The following OSBPL8 variants were observed in gnomAD, a reference collection of about 807,000 sequenced individuals.
OSBPL8 encodes the protein oxysterol binding protein like 8.
A neutral mutation model predicts 125.5 loss-of-function variants in OSBPL8; 59 were observed. That is an observed-to-expected ratio of 0.47 (90% CI 0.38 to 0.58). The LOEUF is 0.58. Among genes scored for constraint, OSBPL8 ranks in the 20% least tolerant of loss-of-function variants. OSBPL8 has a pLI of 0.00. For missense variants in OSBPL8, 758 were observed against 1,047.8 expected (o/e 0.72, Z 3.82); for synonymous variants, 330 against 338.9 (o/e 0.97, Z 0.29).
At chr12:76,485,068 C>G in intron 2 of OSBPL8, among the ~76,000 whole-genome samples, 1 of 151,816 alleles carries the variant, frequency 6.6e-6, no homozygotes, top group East Asian at 2.0e-4. Context: ...TTACAGGTGC[C>G]TGCCACCACG....
chr12:76,475,184 T>G (rs980368656), intron 2 of OSBPL8, among the ~76,000 whole-genome samples: 2 of 152,172 alleles, frequency 1.3e-5, no homozygotes, highest in Non-Finnish European at 2.9e-5. Flanking sequence ...TAATTAAGAG[T>G]TAAATGTGGA....
intron 1 of OSBPL8, among the ~76,000 whole-genome samples, chr12:76,558,919 GAAC>G (rs1214080946): frequency 4.6e-5 from 7 of 152,188 alleles, no homozygotes; most frequent in African/African-American, 1.4e-4. Flanking sequence ...AGGCTTAGAG[GAAC>G]AACACCGTGT....
chr12:76,506,377 A>C (rs1293924467), intron 1 of OSBPL8, among the ~76,000 whole-genome samples: 1 of 152,234 alleles, frequency 6.6e-6, no homozygotes. Flanking sequence ...CAAAAAATGT[A>C]AACTAGGAGT....
At chr12:76,391,474 C>A (rs1024637017) in intron 10 of OSBPL8, among the ~76,000 whole-genome samples, 34 of 151,660 alleles carry the variant, frequency 2.2e-4, no homozygotes, top group Admixed American at 2.2e-3. Flanking sequence ...AGCTCCAGAT[C>A]GTAGGTCTGC....
In OSBPL8 at chr12:76,487,621, A is replaced by G; in HGVS notation, c.-67-3T>C. ...GCCATTCTGTAAATCTGCAAATCCT[A>G]AAATAAGAAAATGATATTTATTAGG... On this transcript the variant is annotated splice_region_variant and splice_polypyrimidine_tract_variant and intron_variant, in intron 1 of 23. Coordinates refer to ENST00000261183, the MANE Select transcript of OSBPL8 (RefSeq NM_020841.5). 7.8e-7 allele frequency: 1 copy of G among 1,278,024 alleles called. No homozygotes were observed. Among genetic ancestry groups the G allele is most frequent in the Non-Finnish European group, 1.1e-6 (1 of 924,530 alleles). The allele number at this position is 1,278,024 out of a possible 1,614,324, so 79.2% of individuals were successfully genotyped here.
rs1869043485 is a variant in OSBPL8 at position 76,418,599 on chromosome 12, A to C, written c.218-7965T>G. ...TAATCTCAGCGCTTCGGGAGGCTGA[A>C]GTGGGCAGATCACTTGAAGTCAGGA... On this transcript the variant is annotated intron_variant, in intron 4 of 23. Coordinates refer to ENST00000261183, the MANE Select transcript of OSBPL8 (RefSeq NM_020841.5). Among the ~76,000 whole-genome samples the C allele has an allele frequency of 2.0e-5, 3 of 151,846 alleles. No homozygotes were observed. The South Asian group carries it at 6.2e-4, about 32-fold the overall frequency.
At chr12:76,415,112 TCA>T (rs1216012198) in intron 4 of OSBPL8, among the ~76,000 whole-genome samples, 1 of 152,212 alleles carries the variant, frequency 6.6e-6, no homozygotes, top group Non-Finnish European at 1.5e-5. Flanking sequence ...AGTGTTCTTC[TCA>T]CTCTCCACTT....
At chr12:76,366,450 T>TG (rs1444630545) in intron 21 of OSBPL8, 1 of 329,014 alleles carries the variant, frequency 3.0e-6, no homozygotes, top group Admixed American at 4.1e-5. Flanking sequence ...TTAGCCTAGC[T>TG]GATGGTTTAT....
chr12:76,443,647 T>A (rs1352862570), intron 4 of OSBPL8, among the ~76,000 whole-genome samples: 1 of 152,112 alleles, frequency 6.6e-6, no homozygotes, highest in Non-Finnish European at 1.5e-5. Context: ...TAGCTGGGAC[T>A]ATGGGCATGC....
intron 1 of OSBPL8, among the ~76,000 whole-genome samples, chr12:76,547,300 C>A (rs1295413157): frequency 6.6e-6 from 1 of 152,078 alleles, no homozygotes; most frequent in African/African-American, 2.4e-5. Flanking sequence ...AATTTATTTA[C>A]CCAGGTTAAT....
intron 4 of OSBPL8, among the ~76,000 whole-genome samples, chr12:76,426,425 A>G (rs1297636651): frequency 2.0e-5 from 3 of 152,172 alleles, no homozygotes; most frequent in African/African-American, 2.4e-5. Flanking sequence ...CACTCTCAAC[A>G]GTGTTTAAAG....
At chr12:76,448,743 G>A (rs575463303) in intron 4 of OSBPL8, among the ~76,000 whole-genome samples, 8 of 152,216 alleles carry the variant, frequency 5.3e-5, no homozygotes, top group East Asian at 1.9e-4. Flanking sequence ...GGATGGGTGC[G>A]GTGGCTCACG....
chr12:76,535,720 C>T (rs1187254601), intron 1 of OSBPL8, among the ~76,000 whole-genome samples: 1 of 152,054 alleles, frequency 6.6e-6, no homozygotes, highest in Non-Finnish European at 1.5e-5. Context: ...GGAATACTAT[C>T]CCAAAATAAA....
intron 3 of OSBPL8, among the ~76,000 whole-genome samples, chr12:76,456,450 A>T (rs1874056080): frequency 6.6e-6 from 1 of 152,100 alleles, no homozygotes; most frequent in Non-Finnish European, 1.5e-5. Context: ...CAGGAGTTTG[A>T]GACTAGCCTG....
intron 1 of OSBPL8, among the ~76,000 whole-genome samples, chr12:76,549,832 C>T (rs190097930): frequency 1.1e-3 from 163 of 152,076 alleles, no homozygotes; most frequent in African/African-American, 3.6e-3. Context: ...GACTTTTTTA[C>T]ACAGAATTCG....
chr12:76,427,452 C>G (rs1010456558), intron 4 of OSBPL8, among the ~76,000 whole-genome samples: 17 of 150,938 alleles, frequency 1.1e-4, no homozygotes, highest in African/African-American at 4.1e-4. Flanking sequence ...TAAAAGAAAA[C>G]CACTATATTA....
intron 1 of OSBPL8, among the ~76,000 whole-genome samples, chr12:76,503,349 G>A (rs1299822248): frequency 6.6e-6 from 1 of 152,090 alleles, no homozygotes; most frequent in Non-Finnish European, 1.5e-5. Flanking sequence ...CTCTGTACGT[G>A]TCTGTATCCA....
At chr12:76,385,100 C>T (rs1486635958) in intron 14 of OSBPL8, among the ~76,000 whole-genome samples, 1 of 152,134 alleles carries the variant, frequency 6.6e-6, no homozygotes, top group African/African-American at 2.4e-5. Context: ...TGTTCTCTTA[C>T]ATGAGACAAA....
At chr12:76,555,354 G>A (rs1951061578) in intron 1 of OSBPL8, among the ~76,000 whole-genome samples, 1 of 151,754 alleles carries the variant, frequency 6.6e-6, no homozygotes. Context: ...GTAACATTAA[G>A]CAGTAATACA....
Sources: gnomAD v4.1 joint callset for allele counts (sites outside exome capture counted in the v4.1 genomes callset) on GRCh38, gnomAD v4.1.1 for gene constraint, MANE v1.5 for transcripts, NCBI Gene and HGNC (gene_info 2026-07-23, HGNC 2026-07-21) for gene names.